Variants in PCNX3 observed in about 807,000 individuals in gnomAD.
PCNX3 encodes the protein pecanex-like protein 3.
PCNX3 carries 58 observed loss-of-function variants against 207.2 expected under a neutral mutation model. The ratio of observed to expected loss-of-function variants is 0.28; its 90% confidence interval spans 0.23 to 0.35. The LOEUF is 0.35. PCNX3 is among the 10% of genes least tolerant of loss of function. PCNX3 has a pLI of 1.00. For missense variants in PCNX3, 2,410 were observed against 2,774.4 expected, an observed-to-expected ratio of 0.87 and a Z score of 2.95; for synonymous variants, 1,337 against 1,183.5, an observed-to-expected ratio of 1.13 and a Z score of -2.66.
chr11:65,617,380 C>T lies in PCNX3; in HGVS notation c.441+31C>T, dbSNP rs775608913. On this transcript the variant is annotated intron_variant, in intron 3 of 34. Transcript: ENST00000355703. ...TGGGCCTGGACCTCAGCTTGTCCTCCTGTCCCTCTGCGAGCCAGTCCCTAC... is the reference window on the plus strand; with the variant it reads ...TGGGCCTGGACCTCAGCTTGTCCTCTTGTCCCTCTGCGAGCCAGTCCCTAC... 5 of 1,613,176 alleles carry T rather than the reference C, an allele frequency of 3.1e-6. No individual in the cohort carries two copies. The African/African-American group carries it at 5.3e-5, about 17-fold the overall frequency.
In PCNX3 at chr11:65,635,234, C is replaced by T; in HGVS notation, c.4970C>T (p.Pro1657Leu). 1.9e-6 allele frequency: 3 copies of T among 1,587,354 alleles called. No homozygotes were observed. Among genetic ancestry groups the T allele is most frequent in the Non-Finnish European group, 2.6e-6 (3 of 1,167,088 alleles). Reference protein sequence around the residue: ...LKLHQDHFTSPDEYEEPAALY... With the variant: ...LKLHQDHFTSLDEYEEPAALY... ...CTCTACCAGGACCACTTCACGTCCC[C>T]AGATGAATATGAGGAGCCAGCAGCC... Residue 1657 changes from proline to leucine, a missense_variant, in exon 31 of 35, where the codon CCA (proline) becomes CTA (leucine). Coordinates refer to ENST00000355703, the MANE Select transcript of PCNX3 (RefSeq NM_032223.4). The surrounding 1 kb of genome is among the most constrained non-coding windows in gnomAD (Gnocchi z 9.9).
intron 6 of PCNX3, 71 bp from the exon 7 acceptor site, chr11:65,619,466 G>T: frequency 1.3e-6 from 2 of 1,570,174 alleles, no homozygotes; most frequent in Non-Finnish European, 8.6e-7. Context: ...GCGGAACACC[G>T]TCCCCAACCT....
At chr11:65,628,775 G>A in intron 23 of PCNX3, 44 bp from the exon 24 acceptor site, 1 of 1,500,492 alleles carries the variant, frequency 6.7e-7, no homozygotes, top group South Asian at 1.1e-5. Context: ...GTGGTGGGGG[G>A]CTGGGAGGTC....
At position 65,637,087 on chromosome 11, in the gene PCNX3, C is replaced by A; in HGVS notation, c.*109C>A. Reference sequence around the variant, plus strand: ...TGGCTTTGGCCTACATGTCTGAACCCTGACCTTTGGCTGCCTTGGCCAGAG... The same window carrying A: ...TGGCTTTGGCCTACATGTCTGAACCATGACCTTTGGCTGCCTTGGCCAGAG... On this transcript the variant is annotated 3_prime_UTR_variant, in exon 35 of 35. Coordinates refer to ENST00000355703, the MANE Select transcript of PCNX3 (RefSeq NM_032223.4). 1 of 1,276,914 alleles carries A rather than the reference C, an allele frequency of 7.8e-7. No individual in the cohort carries two copies. The allele number at this position is 1,276,914 out of a possible 1,614,324, so 79.1% of individuals were successfully genotyped here. A position where few individuals can be genotyped will look rare whatever the true frequency, so the allele number is the denominator to read the frequency against.
intron 6 of PCNX3, 56 bp downstream of exon 6, chr11:65,619,123 T>G: frequency 7.1e-7 from 1 of 1,414,398 alleles, no homozygotes; most frequent in Non-Finnish European, 9.6e-7. Flanking sequence ...GGCTTGGGGT[T>G]GGGCAAAGGG....
intron 6 of PCNX3, 21 bp downstream of exon 6, chr11:65,619,088 C>A: frequency 6.4e-7 from 1 of 1,561,066 alleles, no homozygotes; most frequent in Non-Finnish European, 8.7e-7. Flanking sequence ...GCTCTAGAGG[C>A]AGGGGCTGGG....
Position 65,636,168 on chromosome 11 carries a change from C to A in PCNX3, c.5460-6C>A. 1 of 1,597,428 alleles carries A rather than the reference C, an allele frequency of 6.3e-7. No homozygotes were observed. The highest frequency in any genetic ancestry group is 1.1e-5 in the South Asian group (1 of 88,428). ...CCTGATCCCTTTTCTACCTCTCCAC[C>A]CCCAGGCTTCACAAGGGCTGTGGCG... On this transcript the variant is annotated splice_region_variant and splice_polypyrimidine_tract_variant and intron_variant, in intron 32 of 34. Coordinates refer to ENST00000355703, the MANE Select transcript of PCNX3 (RefSeq NM_032223.4).
Position 65,618,060 on chromosome 11 carries a change from C to G in PCNX3, c.698C>G (p.Ala233Gly), listed in dbSNP as rs966750066. 2 of 1,606,918 alleles carry G rather than the reference C, an allele frequency of 1.2e-6. No individual in the cohort carries two copies. Among genetic ancestry groups the G allele is most frequent in the Non-Finnish European group, 8.5e-7 (1 of 1,177,250 alleles). ...DGAPWSGSSM[A>G]DTPMSPLLKG... ...GCGCCCTGGAGTGGGAGCAGCATGG[C>G]TGACACTCCCATGAGCCCCCTGCTG... The change falls in exon 6 of 35, where the codon GCT becomes GGT. Residue 233 changes from alanine (A) to glycine (G), a missense_variant. Ala to Gly is a moderately conservative substitution (Grantham distance 60, BLOSUM62 0). Transcript: ENST00000355703.
Position 65,616,895 on chromosome 11 carries a change from G to A in PCNX3, c.225G>A (p.Lys75=). 1.9e-6 allele frequency: 3 copies of A among 1,613,684 alleles called. No individual in the cohort carries two copies. The highest frequency in any genetic ancestry group is 2.5e-6 in the Non-Finnish European group (3 of 1,179,868). ...TGGCTGTCATCTTTGCTACTATCAA[G>A]ACTGTCAATTATCGGCTTCATGCCA... is the stretch of plus-strand genomic sequence containing the variant. ...LVVAVIFATI[K]TVNYRLHAMF... is the part of the protein sequence containing the mutation. Residue 75 remains lysine (K), a synonymous_variant, in exon 2 of 35, where the codon AAG becomes AAA. Transcript: ENST00000355703.
In PCNX3 at chr11:65,617,679, C is replaced by G; in HGVS notation, c.550C>G (p.Leu184Val). The change falls in exon 5 of 35, where the codon CTG becomes GTG. Residue 184 changes from leucine (L) to valine (V), a missense_variant. Coordinates refer to ENST00000355703, the MANE Select transcript of PCNX3 (RefSeq NM_032223.4). ...VIVTSADREM[L>V]KLSSQEKLIG... ...CGTGACTTCTGCCGACCGAGAGATG[C>G]TGAAGCTCAGCTCGCAGGAGAAACT... The G allele has an allele frequency of 6.3e-7, 1 of 1,578,478 alleles. No homozygotes were observed. Among genetic ancestry groups the G allele is most frequent in the Non-Finnish European group, 8.6e-7 (1 of 1,162,014 alleles).
rs1340583010 is a variant in PCNX3 at position 65,622,249 on chromosome 11, A to G, written c.2240A>G (p.Gln747Arg). 4 of 1,604,252 alleles carry G rather than the reference A, an allele frequency of 2.5e-6. No individual in the cohort carries two copies. Reference protein sequence around the residue: ...RRVPLEIPEEQTLMEEAPPRA... With the variant: ...RRVPLEIPEERTLMEEAPPRA... ...GACTCCCTGCACGAATCCCAGGAGCAGACACTGATGGAAGAAGCGCCACCC... is the reference window on the plus strand; with the variant it reads ...GACTCCCTGCACGAATCCCAGGAGCGGACACTGATGGAAGAAGCGCCACCC... Residue 747 changes from glutamine to arginine, a missense_variant, in exon 11 of 35, where the codon CAG (glutamine) becomes CGG (arginine). Physicochemically the swap from Gln to Arg is conservative, Grantham distance 43. This residue lies in a region of PCNX3 where 177 missense variants were observed against 257.5 expected (regional missense o/e 0.69). Transcript: ENST00000355703.
chr11:65,617,084 AG>A, intron 2 of PCNX3, 73 bp downstream of exon 2: 5 of 1,466,302 alleles, frequency 3.4e-6, no homozygotes, highest in Non-Finnish European at 4.6e-6. Flanking sequence ...AGGGTGGAGT[AG>A]GGGCTTAGGG....
Position 65,622,193 on chromosome 11 carries a change from G to C in PCNX3, c.2236-52G>C, listed in dbSNP as rs1855142823. On this transcript the variant is annotated intron_variant, in intron 10 of 34. Coordinates refer to ENST00000355703, the MANE Select transcript of PCNX3 (RefSeq NM_032223.4). Reference sequence around the variant, plus strand: ...GGTGGCGGGGCTGACGGCCGCGGCTGTGGGGACTGCAGTTTGACCTGCTGG... The same window carrying C: ...GGTGGCGGGGCTGACGGCCGCGGCTCTGGGGACTGCAGTTTGACCTGCTGG... 8 of 1,569,364 alleles carry C rather than the reference G, an allele frequency of 5.1e-6. No individual in the cohort carries two copies. The South Asian group carries it at 7.0e-5, about 14-fold the overall frequency.
intron 10 of PCNX3, 106 bp from the exon 11 acceptor site, chr11:65,622,139 G>A (rs1855137896): frequency 6.9e-7 from 1 of 1,447,024 alleles, no homozygotes; most frequent in Non-Finnish European, 9.2e-7. Context: ...CCGGTGTGCT[G>A]AAGGGGGGTA....
rs1854909209 is a variant in PCNX3, at chr11:65,618,855, A to G, written c.1493A>G (p.Lys498Arg). Reference protein sequence around the residue: ...TQRTPSTASAKTHARVLSMDG... With the variant: ...TQRTPSTASARTHARVLSMDG... ...CGGACGCCTAGTACCGCCAGCGCTAAAACACATGCCCGTGTGCTGAGCATG... is the reference window on the plus strand; with the variant it reads ...CGGACGCCTAGTACCGCCAGCGCTAGAACACATGCCCGTGTGCTGAGCATG... Residue 498 changes from lysine (K) to arginine (R), a missense_variant, in exon 6 of 35, where the codon AAA becomes AGA. Lys to Arg is a conservative substitution (Grantham distance 26). Around this residue, in one of 8 missense-constraint regions of PCNX3, gnomAD observed 1,104 missense variants for 970.3 expected, o/e 1.14. Coordinates refer to ENST00000355703, the MANE Select transcript of PCNX3 (RefSeq NM_032223.4). 1 of 1,611,092 alleles carries G rather than the reference A, an allele frequency of 6.2e-7. No individual in the cohort carries two copies. The highest frequency in any genetic ancestry group is 8.5e-7 in the Non-Finnish European group (1 of 1,179,270).
At chr11:65,622,399 T>A in intron 11 of PCNX3, 33 bp downstream of exon 11, 1 of 1,577,410 alleles carries the variant, frequency 6.3e-7, no homozygotes, top group Non-Finnish European at 8.6e-7. Context: ...CCCCAATTCT[T>A]GGAAAGCCCC....
At chr11:65,626,811 C>A in intron 20 of PCNX3, 93 bp from the exon 21 acceptor site, 1 of 1,528,796 alleles carries the variant, frequency 6.5e-7, no homozygotes, top group Non-Finnish European at 8.8e-7. Flanking sequence ...TCCGAGGAGT[C>A]AGGACCGCAC....
chr11:65,631,193 C>T (rs1855603713), intron 27 of PCNX3, among the ~76,000 whole-genome samples: 1 of 152,060 alleles, frequency 6.6e-6, no homozygotes, highest in African/African-American at 2.4e-5. Flanking sequence ...CTGAGCCAGG[C>T]CTGAGGATCT....
chr11:65,623,640 T>C lies in PCNX3; in HGVS notation c.2507T>C (p.Leu836Pro). Residue 836 changes from leucine to proline, a missense_variant, in exon 12 of 35, where the codon CTG (leucine) becomes CCG (proline). Around this residue, in one of 8 missense-constraint regions of PCNX3, gnomAD observed 177 missense variants for 257.5 expected, o/e 0.69. Transcript: ENST00000355703. ...ATCGCCTCCTGCCAGTACTCCTTGC[T>C]GAAGGTCAGGCCGGGCTCTCTGTGT... Reference protein sequence around the residue: ...LVIASCQYSLLKSVQPDAASP... With the variant: ...LVIASCQYSLPKSVQPDAASP... 1 of 1,612,692 alleles carries C rather than the reference T, an allele frequency of 6.2e-7. No homozygotes were observed. Among genetic ancestry groups the C allele is most frequent in the Non-Finnish European group, 8.5e-7 (1 of 1,179,238 alleles).
Sources: allele counts gnomAD v4.1 joint callset (sites outside exome capture counted in the v4.1 genomes callset), GRCh38; gene constraint gnomAD v4.1.1; regional missense constraint gnomAD v4.1.1; non-coding constraint Gnocchi (gnomAD v3.1); transcripts MANE v1.5; gene names NCBI Gene and HGNC (gene_info 2026-07-23, HGNC 2026-07-21).